Variants in MEIS2 observed in about 807,000 individuals in gnomAD.
MEIS2 encodes Meis homeobox 2.
In MEIS2, 9 loss-of-function variants were observed where a neutral mutation model predicts 58.6. The ratio of observed to expected loss-of-function variants is 0.15; its 90% CI spans 0.09 to 0.27. The LOEUF (loss-of-function observed/expected upper bound fraction) is 0.27. Ranked by LOEUF, MEIS2 falls within the 10% of genes least tolerant of loss-of-function variation. MEIS2 has a pLI of 1.00. For missense variants in MEIS2, 427 were observed against 635.0 expected, an observed-to-expected ratio of 0.67 and a Z score of 3.52; for synonymous variants, 221 against 228.4, an observed-to-expected ratio of 0.97 and a Z score of 0.29.
chr15:37,016,918 G>C (rs994664961), intron 8 of MEIS2, among the ~76,000 whole-genome samples: 3 of 152,330 alleles, frequency 2.0e-5, no homozygotes, highest in Middle Eastern at 6.8e-3. Flanking sequence ...TTGTAAATTT[G>C]CTTCATTGCA....
intron 9 of MEIS2, among the ~76,000 whole-genome samples, chr15:36,938,789 G>A (rs1196361828): frequency 6.6e-6 from 1 of 152,122 alleles, no homozygotes; most frequent in African/African-American, 2.4e-5. Context: ...TTCTCTTATG[G>A]ACGAGGGAAT....
chr15:36,925,168 G>T (rs565977744), intron 9 of MEIS2, among the ~76,000 whole-genome samples: 1 of 152,230 alleles, frequency 6.6e-6, no homozygotes, highest in Admixed American at 6.5e-5. Context: ...GAAAGAAAAA[G>T]AGAAAAAGAA....
intron 9 of MEIS2, among the ~76,000 whole-genome samples, chr15:36,900,318 A>T (rs1182338457): frequency 1.3e-5 from 2 of 152,194 alleles, no homozygotes; most frequent in East Asian, 3.8e-4. Flanking sequence ...ACATAATTTC[A>T]TTAGTGAGTC....
intron 3 of MEIS2, 80 bp from the exon 4 acceptor site, chr15:37,095,694 A>G: frequency 6.2e-7 from 1 of 1,604,132 alleles, no homozygotes; most frequent in Non-Finnish European, 8.5e-7. Context: ...GGTACGGTGG[A>G]GGGCAATGGC....
In MEIS2 at chr15:36,916,239, A is replaced by G. The variant is rs530948489; in HGVS notation, c.978-19553T>C. 4.8e-3 allele frequency among the ~76,000 whole-genome samples: 731 copies of G among 151,954 alleles called. 2 individuals are homozygous for G. Among genetic ancestry groups the G allele is most frequent in the Non-Finnish European group, 8.4e-3 (569 of 67,938 alleles). ...TCAGGAGATTGAGACCATCCTGGCT[A>G]AAACGGTGAAACCCTGTCTCTACTA... On this transcript the variant is annotated intron_variant, in intron 9 of 11. Coordinates refer to ENST00000561208, the MANE Select transcript of MEIS2 (RefSeq NM_170675.5).
intron 8 of MEIS2, among the ~76,000 whole-genome samples, chr15:37,033,480 G>A (rs530112647): frequency 5.3e-5 from 8 of 152,058 alleles, no homozygotes; most frequent in Non-Finnish European, 7.4e-5. Context: ...AGGGTACATC[G>A]GGGATTATTG....
In MEIS2 at chr15:36,890,745, A is replaced by AT. The variant is rs1044432433; in HGVS notation, c.*1427dup. 1 of 152,270 alleles carries AT rather than the reference A, an allele frequency of 6.6e-6. No individual in the cohort carries two copies. Among genetic ancestry groups the AT allele is most frequent in the African/African-American group, 2.4e-5 (1 of 41,556 alleles). The allele number at this position is 152,270 out of a possible 1,614,324, so 9.4% of individuals were successfully genotyped here. A position where few individuals can be genotyped will look rare whatever the true frequency, so the allele number is the denominator to read the frequency against. On this transcript the variant is annotated 3_prime_UTR_variant, in exon 12 of 12. Transcript: ENST00000561208. ...TGAAAAGCTTTATCTGAAAGTATAT[A>AT]TTTTTTAACGTCATGCATCTAAAAA...
intron 8 of MEIS2, among the ~76,000 whole-genome samples, chr15:37,015,995 GTCC>G (rs2061338363): frequency 6.6e-6 from 1 of 152,082 alleles, no homozygotes; most frequent in Non-Finnish European, 1.5e-5. Context: ...CTCAAAGCCA[GTCC>G]TCCTTTCCCC....
At position 37,098,883 on chromosome 15, in the gene MEIS2, G is replaced by A. The variant is rs923022102; in HGVS notation, c.12+572C>T. The A allele has an allele frequency of 4.8e-5, 47 of 984,290 alleles. 1 individual carries two copies. In the East Asian group the frequency reaches 1.6e-3, roughly 33 times the overall value. 61.0% of individuals were successfully genotyped at this position (984,290 alleles called of 1,614,324 possible). Reference sequence around the variant, plus strand: ...GGCAGGGAGCGGAGGGTGGGGGGGCGAATAACGTGAAAGTTACCAGAAACA... The same window carrying A: ...GGCAGGGAGCGGAGGGTGGGGGGGCAAATAACGTGAAAGTTACCAGAAACA... On this transcript the variant is annotated intron_variant, in intron 1 of 11. Transcript: ENST00000561208.
chr15:37,050,309 T>C (rs147236625), intron 7 of MEIS2, among the ~76,000 whole-genome samples: 164 of 152,334 alleles, frequency 1.1e-3, no homozygotes, highest in African/African-American at 3.8e-3. Flanking sequence ...TCATATATGT[T>C]ATGGGTATAG....
At chr15:36,921,723 G>A (rs1367518043) in intron 9 of MEIS2, among the ~76,000 whole-genome samples, 28 of 145,576 alleles carry the variant, frequency 1.9e-4, no homozygotes, top group African/African-American at 2.1e-4. Context: ...TGGCATTGTT[G>A]AAAAAAAAAA....
intron 2 of MEIS2, chr15:37,097,441 T>C (rs1327547315): frequency 6.5e-6 from 1 of 152,784 alleles, no homozygotes; most frequent in Non-Finnish European, 1.5e-5. Flanking sequence ...TCTGCCCCCT[T>C]TATTTACAGA....
chr15:37,054,275 G>C (rs8037848), intron 7 of MEIS2, among the ~76,000 whole-genome samples: 84,654 of 151,914 alleles, frequency 0.56, 24,066 homozygotes, highest in South Asian at 0.75. Flanking sequence ...TTTCTGTATT[G>C]ACCAGATGAA....
At chr15:36,919,831 T>G (rs1231812315) in intron 9 of MEIS2, among the ~76,000 whole-genome samples, 1 of 152,238 alleles carries the variant, frequency 6.6e-6, no homozygotes, top group African/African-American at 2.4e-5. Context: ...AATTTTAAGC[T>G]ATCTTGCTAG....
intron 7 of MEIS2, among the ~76,000 whole-genome samples, chr15:37,075,083 C>T (rs1385433109): frequency 6.6e-6 from 1 of 151,944 alleles, no homozygotes; most frequent in African/African-American, 2.4e-5. Context: ...TCCATGAGGT[C>T]AATCCTATCC....
In MEIS2 at chr15:36,890,840, A is replaced by T. The variant is rs1000239228; in HGVS notation, c.*1333T>A. 3 of 152,164 alleles carry T rather than the reference A, an allele frequency of 2.0e-5. No individual in the cohort carries two copies. The highest frequency in any genetic ancestry group is 7.2e-5 in the African/African-American group (3 of 41,444). The allele number at this position is 152,164 out of a possible 1,614,324, so 9.4% of individuals were successfully genotyped here. Reference sequence around the variant, plus strand: ...TGTACACATAGTTTCGTACCTTTAGAAGTTTTCTGCTGGTGGAACTTATAG... The same window carrying T: ...TGTACACATAGTTTCGTACCTTTAGTAGTTTTCTGCTGGTGGAACTTATAG... On this transcript the variant is annotated 3_prime_UTR_variant, in exon 12 of 12. Transcript: ENST00000561208.
chr15:37,071,730 T>A (rs1308407651), intron 7 of MEIS2, among the ~76,000 whole-genome samples: 2 of 152,056 alleles, frequency 1.3e-5, no homozygotes. Context: ...TTGCCCATGA[T>A]AAGTGACAGA....
chr15:36,939,561 T>A (rs992670741), intron 9 of MEIS2, among the ~76,000 whole-genome samples: 10 of 152,108 alleles, frequency 6.6e-5, no homozygotes, highest in African/African-American at 1.9e-4. Context: ...TTTTTTTTAA[T>A]TTGTTAATGA....
At chr15:36,915,690 T>C (rs913473217) in intron 9 of MEIS2, among the ~76,000 whole-genome samples, 1 of 152,158 alleles carries the variant, frequency 6.6e-6, no homozygotes, top group Non-Finnish European at 1.5e-5. Flanking sequence ...CCCATTCCCA[T>C]TTATGAATGG....
Sources: allele counts gnomAD v4.1 joint callset (sites outside exome capture counted in the v4.1 genomes callset), GRCh38; gene constraint gnomAD v4.1.1; transcripts MANE v1.5; gene names NCBI Gene and HGNC (gene_info 2026-07-23, HGNC 2026-07-21).